Variants in LINC00632 observed in about 807,000 individuals in gnomAD.
LINC00632 encodes ALDOA related specific transcript.
chrX:140,788,897 A>ATG (rs765826747), exon 5 of LINC00632, among the ~76,000 whole-genome samples: 9,821 of 37,769 alleles, frequency 0.26, 416 homozygotes, highest in Middle Eastern at 0.47. Context: ...ATACACATAT[A>ATG]TGTGTATATA....
At chrX:140,755,479 T>G (rs1237641094) in intron 3 of LINC00632, among the ~76,000 whole-genome samples, 1 of 112,508 alleles carries the variant, frequency 8.9e-6, no homozygotes, top group African/African-American at 3.2e-5. Context: ...GAGCTCCACT[T>G]GTAAAATAGG....
chrX:140,725,865 C>G (rs1395463749), intron 2 of LINC00632, among the ~76,000 whole-genome samples: 1 of 111,581 alleles, frequency 9.0e-6, no homozygotes. Context: ...AAAGGATGAA[C>G]AACACAGACA....
At chrX:140,750,879 T>C (rs1045110982) in intron 3 of LINC00632, among the ~76,000 whole-genome samples, 4 of 111,677 alleles carry the variant, frequency 3.6e-5, no homozygotes, top group Admixed American at 1.9e-4. Flanking sequence ...CAATATTTGG[T>C]TTTCCATTCC....
Position 140,772,188 on chromosome X carries a change from C to T in LINC00632, n.302C>T, listed in dbSNP as rs1049564116. 13 of 294,024 alleles carry T rather than the reference C, an allele frequency of 4.4e-5. No homozygotes were observed. The South Asian group carries it at 1.7e-3, about 38-fold the overall frequency. The allele number at this position is 294,024 out of a possible 1,213,427, so 24.2% of individuals were successfully genotyped here. On this transcript the variant is annotated non_coding_transcript_exon_variant, in exon 4 of 5. Coordinates refer to ENST00000648200, the Ensembl canonical transcript of LINC00632. ...CAAAATTTGAGTTTCCCTAAGTCCG[C>T]GCCTTTGAGAGCTTTGGAACGATAT...
At chrX:140,744,697 G>A (rs928839434) in intron 3 of LINC00632, among the ~76,000 whole-genome samples, 3 of 108,589 alleles carry the variant, frequency 2.8e-5, no homozygotes, top group Non-Finnish European at 5.7e-5. Flanking sequence ...AGCCTCCCTA[G>A]TAGCTGGGAT....
intron 2 of LINC00632, among the ~76,000 whole-genome samples, chrX:140,725,898 T>C (rs772173240): frequency 1.4e-3 from 154 of 110,749 alleles, no homozygotes; most frequent in African/African-American, 4.5e-3. Flanking sequence ...CAGAAACACA[T>C]CCCATGACAC....
exon 5 of LINC00632, chrX:140,784,437 A>G (rs1168382327): frequency 1.8e-6 from 2 of 1,124,766 alleles, no homozygotes; most frequent in Admixed American, 2.4e-5. Flanking sequence ...CAACAAATCC[A>G]TGTCTTCCTA....
intron 3 of LINC00632, among the ~76,000 whole-genome samples, chrX:140,760,242 C>T (rs1349500513): frequency 9.0e-6 from 1 of 111,722 alleles, no homozygotes; most frequent in Non-Finnish European, 1.9e-5. Flanking sequence ...AGCATATAGT[C>T]TAGTGAATGT....
At chrX:140,724,254 TACAC>T (rs1930855804) in intron 2 of LINC00632, among the ~76,000 whole-genome samples, 2 of 13,258 alleles carry the variant, frequency 1.5e-4, no homozygotes, top group South Asian at 6.9e-3. Flanking sequence ...TCCATACACA[TACAC>T]AGACACATTC....
At chrX:140,734,430 A>T (rs1323892747) in intron 3 of LINC00632, among the ~76,000 whole-genome samples, 1 of 111,999 alleles carries the variant, frequency 8.9e-6, no homozygotes, top group Non-Finnish European at 1.9e-5. Context: ...TTGTTGATTT[A>T]AAAAAACATG....
In LINC00632 at chrX:140,730,754, C is replaced by CT. The variant is rs1460740899; in HGVS notation, n.105-3123dup. ...TAGAAAAAGCAGCATGATAGGTATG[C>CT]TCACTCTAGAACATTCAGATTCACT... On this transcript the variant is annotated intron_variant and non_coding_transcript_variant, in intron 2 of 4. Coordinates refer to ENST00000648200, the Ensembl canonical transcript of LINC00632. Among the ~76,000 whole-genome samples the CT allele has an allele frequency of 1.5e-4, 17 of 111,608 alleles. 2 individuals carry two copies. The Admixed American group carries it at 1.6e-3, about 11-fold the overall frequency.
At chrX:140,711,342 C>T (rs1260148796) in intron 1 of LINC00632, among the ~76,000 whole-genome samples, 1 of 111,095 alleles carries the variant, frequency 9.0e-6, no homozygotes, top group Non-Finnish European at 1.9e-5. Flanking sequence ...CAAATAAATG[C>T]ATAGAAATAT....
intron 3 of LINC00632, among the ~76,000 whole-genome samples, chrX:140,764,021 C>G (rs1736357897): frequency 9.0e-6 from 1 of 110,786 alleles, no homozygotes; most frequent in African/African-American, 3.3e-5. Context: ...CCTCTGAAAG[C>G]TTTTTTATAC....
At chrX:140,716,798 CACACACACACACACACAG>C (rs1416826925) in intron 2 of LINC00632, among the ~76,000 whole-genome samples, 3 of 108,970 alleles carry the variant, frequency 2.8e-5, no homozygotes, top group Non-Finnish European at 3.8e-5. Flanking sequence ...CACACACACA[CACACACACACACACACAG>C]ACACACACAC....
chrX:140,743,517 G>A (rs996265931), intron 3 of LINC00632, among the ~76,000 whole-genome samples: 6 of 109,935 alleles, frequency 5.5e-5, no homozygotes, highest in Non-Finnish European at 1.1e-4. Context: ...CATTTCACTT[G>A]TCCAACTTTA....
At chrX:140,773,365 G>A (rs1186152566) in exon 4 of LINC00632, among the ~76,000 whole-genome samples, 2 of 112,312 alleles carry the variant, frequency 1.8e-5, no homozygotes, top group Non-Finnish European at 3.8e-5. Flanking sequence ...GGTTGTCAGT[G>A]CTGCTGAAAC....
At chrX:140,771,289 C>T (rs193123418) in intron 3 of LINC00632, among the ~76,000 whole-genome samples, 1 of 108,401 alleles carries the variant, frequency 9.2e-6, no homozygotes, top group African/African-American at 3.5e-5. Flanking sequence ...CAATAAAATT[C>T]GAAAGTAAAT....
At position 140,739,371 on chromosome X, in the gene LINC00632, C is replaced by T. The variant is rs1007111693; in HGVS notation, n.191+5407C>T. 2.7e-5 allele frequency among the ~76,000 whole-genome samples: 3 copies of T among 109,936 alleles called. No individual in the cohort carries two copies. In the Admixed American group the frequency reaches 2.9e-4, roughly 11 times the overall value. On this transcript the variant is annotated intron_variant and non_coding_transcript_variant, in intron 3 of 4. Coordinates refer to ENST00000648200, the Ensembl canonical transcript of LINC00632. ...AGTAGCTGGGATTACAGGCATGCACCACCACGCCCGGCTAATTTTTTGGAT... is the reference window on the plus strand; with the variant it reads ...AGTAGCTGGGATTACAGGCATGCACTACCACGCCCGGCTAATTTTTTGGAT...
chrX:140,776,150 C>T (rs754767553), exon 5 of LINC00632, among the ~76,000 whole-genome samples: 3 of 111,840 alleles, frequency 2.7e-5, no homozygotes, highest in African/African-American at 9.7e-5. Flanking sequence ...AAGACACTTA[C>T]GCAGCCAACA....
Sources: allele counts gnomAD v4.1 joint callset (sites outside exome capture counted in the v4.1 genomes callset), GRCh38; gene constraint gnomAD v4.1.1; transcripts MANE v1.5; gene names NCBI Gene and HGNC (gene_info 2026-07-23, HGNC 2026-07-21).